The following TYW1B variants were observed in gnomAD, a reference collection of about 807,000 sequenced individuals.
TYW1B encodes tRNA-yW synthesizing protein 1 homolog B.
A neutral mutation model predicts 86.9 loss-of-function variants in TYW1B; 73 were observed. That is an observed-to-expected ratio of 0.84 (90% CI 0.70 to 1.02). The LOEUF (loss-of-function observed/expected upper bound fraction) is 1.02. TYW1B is among the 50% of genes least tolerant of loss of function. The probability of loss-of-function intolerance (pLI) is 0.00; values close to 1 mark genes in which losing one functional copy is unlikely to be tolerated. For synonymous variants in TYW1B, 248 were observed against 292.8 expected (o/e 0.85, Z 1.56); for missense variants, 637 against 827.4 (o/e 0.77, Z 2.82).
At chr7:72,669,465 A>G (rs1554445941) in intron 11 of TYW1B, among the ~76,000 whole-genome samples, 2 of 152,030 alleles carry the variant, frequency 1.3e-5, no homozygotes, top group African/African-American at 4.8e-5. Flanking sequence ...AACTAATTTT[A>G]TTAATAATAG....
intron 11 of TYW1B, among the ~76,000 whole-genome samples, chr7:72,642,978 G>C (rs1256479704): frequency 1.3e-5 from 2 of 152,172 alleles, no homozygotes; most frequent in African/African-American, 2.4e-5. Context: ...TAAGAAGACA[G>C]ACACTATTGG....
intron 8 of TYW1B, among the ~76,000 whole-genome samples, chr7:72,731,303 G>A (rs782742627): frequency 3.6e-5 from 5 of 138,528 alleles, no homozygotes; most frequent in African/African-American, 8.1e-5. Flanking sequence ...ATGAAAATAT[G>A]CAAAAGTATA....
At chr7:72,679,125 A>G (rs1392048888) in intron 11 of TYW1B, among the ~76,000 whole-genome samples, 3 of 152,144 alleles carry the variant, frequency 2.0e-5, no homozygotes, top group Non-Finnish European at 4.4e-5. Flanking sequence ...TAGAATCAAC[A>G]ACTAACAAGA....
chr7:72,714,549 G>A (rs1786741376), intron 9 of TYW1B, among the ~76,000 whole-genome samples: 1 of 152,050 alleles, frequency 6.6e-6, no homozygotes, highest in South Asian at 2.1e-4. Flanking sequence ...CTTGAGTCTG[G>A]GAGATTGAGG....
intron 11 of TYW1B, among the ~76,000 whole-genome samples, chr7:72,647,167 A>G (rs1812948651): frequency 6.6e-6 from 1 of 152,228 alleles, no homozygotes; most frequent in African/African-American, 2.4e-5. Context: ...TGGGCTTATC[A>G]AATTGGCAAA....
rs567468836 is a variant in TYW1B at position 72,727,198 on chromosome 7, C to T, written c.1192+1624G>A. ...GGCCAGAACAGAACAAATTTCCTTACGTGAAAGAATCACCTGATCTTCAGA... is the reference window on the plus strand; with the variant it reads ...GGCCAGAACAGAACAAATTTCCTTATGTGAAAGAATCACCTGATCTTCAGA... On this transcript the variant is annotated intron_variant, in intron 9 of 13. Transcript: ENST00000620995. Among the ~76,000 whole-genome samples the T allele has an allele frequency of 2.0e-4, 30 of 152,264 alleles. 1 individual carries two copies. Among genetic ancestry groups the T allele is most frequent in the African/African-American group, 7.0e-4 (29 of 41,546 alleles).
chr7:72,614,161 T>C (rs1168309783), intron 13 of TYW1B, among the ~76,000 whole-genome samples: 2 of 152,146 alleles, frequency 1.3e-5, no homozygotes, highest in Non-Finnish European at 2.9e-5. Context: ...TTGCACTTTT[T>C]TGTAAATTTG....
chr7:72,722,305 T>C (rs1786919035), intron 9 of TYW1B, among the ~76,000 whole-genome samples: 1 of 152,220 alleles, frequency 6.6e-6, no homozygotes, highest in South Asian at 2.1e-4. Flanking sequence ...TAGCAATAAA[T>C]GAGGTCTTTT....
chr7:72,687,472 G>A (rs1356502159), intron 11 of TYW1B, among the ~76,000 whole-genome samples: 5 of 151,930 alleles, frequency 3.3e-5, no homozygotes, highest in Admixed American at 6.6e-5. Flanking sequence ...AGACAGACTG[G>A]GAGAAGATAT....
chr7:72,644,409 G>A (rs1359762918), intron 11 of TYW1B, among the ~76,000 whole-genome samples: 1 of 152,180 alleles, frequency 6.6e-6, no homozygotes, highest in African/African-American at 2.4e-5. Flanking sequence ...TGAGCTGGGC[G>A]TGGTGGTGGG....
intron 11 of TYW1B, among the ~76,000 whole-genome samples, chr7:72,645,370 T>G (rs782033114): frequency 1.3e-5 from 2 of 152,170 alleles, no homozygotes; most frequent in South Asian, 4.1e-4. Flanking sequence ...CTTGCGATTG[T>G]CTGGCACTAT....
At chr7:72,824,051 G>A (rs1554481032) in intron 2 of TYW1B, among the ~76,000 whole-genome samples, 3 of 151,898 alleles carry the variant, frequency 2.0e-5, no homozygotes, top group African/African-American at 7.3e-5. Flanking sequence ...TGGCTGCTCA[G>A]ACACCTTTTT....
chr7:72,720,424 T>C (rs1438736266), intron 9 of TYW1B, among the ~76,000 whole-genome samples: 1 of 151,988 alleles, frequency 6.6e-6, no homozygotes, highest in East Asian at 1.9e-4. Flanking sequence ...AAGCTACAAA[T>C]AAAAATATCA....
chr7:72,723,343 T>A (rs1474323158), intron 9 of TYW1B, among the ~76,000 whole-genome samples: 1 of 152,146 alleles, frequency 6.6e-6, no homozygotes, highest in African/African-American at 2.4e-5. Flanking sequence ...ACCAGGAATA[T>A]CACAAACTAC....
intron 2 of TYW1B, among the ~76,000 whole-genome samples, chr7:72,817,055 C>G (rs1366198300): frequency 1.3e-5 from 2 of 152,048 alleles, no homozygotes; most frequent in Admixed American, 6.6e-5. Flanking sequence ...GAAGTGGGGG[C>G]AGTCTTGTGG....
At chr7:72,626,815 G>T (rs11980114) in intron 12 of TYW1B, among the ~76,000 whole-genome samples, 3 of 151,846 alleles carry the variant, frequency 2.0e-5, no homozygotes, top group Non-Finnish European at 4.4e-5. Context: ...TGACTGTTGT[G>T]CCTACTCTAC....
chr7:72,711,473 CTTT>C (rs59438928), intron 10 of TYW1B, among the ~76,000 whole-genome samples: 3 of 56,966 alleles, frequency 5.3e-5, no homozygotes, highest in South Asian at 1.8e-3. Context: ...CTCTTTAATT[CTTT>C]TTTTTTTTTT....
At chr7:72,689,092 C>CA in intron 11 of TYW1B, among the ~76,000 whole-genome samples, 1 of 152,068 alleles carries the variant, frequency 6.6e-6, no homozygotes, top group Non-Finnish European at 1.5e-5. Flanking sequence ...TTAAAGCCTT[C>CA]AAAAAAGTGG....
chr7:72,690,593 A>C (rs1365633955), intron 11 of TYW1B, among the ~76,000 whole-genome samples: 8 of 152,260 alleles, frequency 5.3e-5, no homozygotes, highest in Non-Finnish European at 1.0e-4. Flanking sequence ...TTGTTTATAA[A>C]GTTTAAGAAA....
Sources: gnomAD v4.1 joint callset for allele counts (sites outside exome capture counted in the v4.1 genomes callset) on GRCh38, gnomAD v4.1.1 for gene constraint, MANE v1.5 for transcripts, NCBI Gene and HGNC (gene_info 2026-07-23, HGNC 2026-07-21) for gene names.